MALRD1: variants seen among roughly 807,000 people sequenced by gnomAD.
MALRD1 encodes MAM and LDL-receptor class A domain-containing protein 1.
MALRD1 carries 247 observed loss-of-function variants against 242.1 expected under a neutral mutation model. The ratio of observed to expected loss-of-function variants is 1.02; its 90% confidence interval spans 0.92 to 1.13. The LOEUF (loss-of-function observed/expected upper bound fraction) is 1.13. Ranked by LOEUF, MALRD1 falls within the 50% of genes most tolerant of loss-of-function variation. The probability of loss-of-function intolerance (pLI) is 0.00; values close to 1 mark genes in which losing one functional copy is unlikely to be tolerated. For synonymous variants in MALRD1, 995 were observed against 866.6 expected (o/e 1.15, Z -2.60); for missense variants, 2,989 against 2,533.1 (o/e 1.18, Z -3.86).
intron 31 of MALRD1, among the ~76,000 whole-genome samples, chr10:19,504,681 T>C (rs954879109): frequency 7.2e-6 from 1 of 138,120 alleles, no homozygotes; most frequent in Admixed American, 7.2e-5. Context: ...TTTTTTTTTT[T>C]TTTTTTTTTT....
intron 21 of MALRD1, among the ~76,000 whole-genome samples, chr10:19,303,513 C>A (rs557339212): frequency 2.5e-4 from 38 of 151,678 alleles, no homozygotes; most frequent in African/African-American, 9.2e-4. Flanking sequence ...AGAATTAATG[C>A]GATTAGCAAA....
At position 19,066,829 on chromosome 10, in the gene MALRD1, C is replaced by T; in HGVS notation, c.310C>T (p.Pro104Ser). 8.1e-7 allele frequency: 1 copy of T among 1,233,658 alleles called. No homozygotes were observed. Among genetic ancestry groups the T allele is most frequent in the Non-Finnish European group, 1.0e-6 (1 of 988,020 alleles). 76.4% of individuals were successfully genotyped at this position (1,233,658 alleles called of 1,614,324 possible). A position where few individuals can be genotyped will look rare whatever the true frequency, so the allele number is the denominator to read the frequency against. ...KRSGMIGLSP[P>S]FYDHNGDVSA... ...AAGTGGGATGATTGGTCTATCACCT[C>T]CATTTTATGATCACAATGGTGATGT... Residue 104 changes from proline (P) to serine (S), a missense_variant, in exon 2 of 40, where the codon CCA becomes TCA. Pro to Ser is a moderately conservative substitution (Grantham distance 74, BLOSUM62 -1). Transcript: ENST00000454679.
chr10:19,311,371 A>G (rs1842416199), intron 21 of MALRD1, among the ~76,000 whole-genome samples: 1 of 151,618 alleles, frequency 6.6e-6, no homozygotes, highest in African/African-American at 2.4e-5. Flanking sequence ...ACATTTTCTC[A>G]TATCTACTTT....
At chr10:19,539,875 T>G (rs1411379905) in intron 32 of MALRD1, among the ~76,000 whole-genome samples, 1 of 78,602 alleles carries the variant, frequency 1.3e-5, no homozygotes. Context: ...TGTGTGTGTG[T>G]GTGTGTGTGT....
At chr10:19,262,953 A>C (rs11009177) in intron 19 of MALRD1, among the ~76,000 whole-genome samples, 10,842 of 152,124 alleles carry the variant, frequency 0.071, 440 homozygotes, top group East Asian at 0.17. Flanking sequence ...TTTCATAAAG[A>C]CAGGATTTCT....
chr10:19,728,101 T>C (rs774929674), intron 38 of MALRD1, among the ~76,000 whole-genome samples: 8 of 152,208 alleles, frequency 5.3e-5, no homozygotes, highest in Non-Finnish European at 1.0e-4. Context: ...ATGGGAGATA[T>C]ATCTTTAATC....
chr10:19,312,515 C>T (rs1842477271), intron 21 of MALRD1, among the ~76,000 whole-genome samples: 2 of 150,598 alleles, frequency 1.3e-5, no homozygotes, highest in Admixed American at 6.7e-5. Context: ...TAGTCTTTAA[C>T]ATCTAGAAAA....
At chr10:19,180,758 A>C (rs1835469119) in intron 14 of MALRD1, among the ~76,000 whole-genome samples, 1 of 152,202 alleles carries the variant, frequency 6.6e-6, no homozygotes, top group South Asian at 2.1e-4. Flanking sequence ...CAGTAAAGGA[A>C]ACACTCAGCA....
intron 26 of MALRD1, among the ~76,000 whole-genome samples, chr10:19,360,233 C>T (rs1844830721): frequency 6.6e-6 from 1 of 152,002 alleles, no homozygotes; most frequent in Non-Finnish European, 1.5e-5. Context: ...TATATTCAGT[C>T]AGCACTTGGA....
chr10:19,158,336 C>G (rs1415199214), intron 12 of MALRD1, among the ~76,000 whole-genome samples: 1 of 152,096 alleles, frequency 6.6e-6, no homozygotes, highest in Admixed American at 6.6e-5. Context: ...GTTTTTAATT[C>G]TCCAACTTGT....
chr10:19,319,549 C>CA (rs1360660445), intron 21 of MALRD1, among the ~76,000 whole-genome samples: 2 of 151,990 alleles, frequency 1.3e-5, no homozygotes, highest in Non-Finnish European at 2.9e-5. Context: ...GCTGCTGTAA[C>CA]AAAAAATCTC....
intron 29 of MALRD1, chr10:19,489,098 T>C: frequency 2.2e-6 from 1 of 462,786 alleles, no homozygotes; most frequent in Non-Finnish European, 4.4e-6. Context: ...GGAGCCAGAA[T>C]GCCCAAGAGG....
chr10:19,251,213 A>G lies in MALRD1; in HGVS notation c.2992-6471A>G, dbSNP rs564195079. Reference sequence around the variant, plus strand: ...CACAAATGAAATATTTCAACCATGTAGCACCATCCAAGTGCCCTGTTTGGA... The same window carrying G: ...CACAAATGAAATATTTCAACCATGTGGCACCATCCAAGTGCCCTGTTTGGA... On this transcript the variant is annotated intron_variant, in intron 18 of 39. Transcript: ENST00000454679. 2.0e-5 allele frequency among the ~76,000 whole-genome samples: 3 copies of G among 152,200 alleles called. No homozygotes were observed. In the East Asian group the frequency reaches 5.8e-4, roughly 29 times the overall value.
At chr10:19,638,101 CAAAAAAAA>C (rs56865342) in intron 36 of MALRD1, among the ~76,000 whole-genome samples, 85 of 41,920 alleles carry the variant, frequency 2.0e-3, no homozygotes, top group African/African-American at 3.8e-3. Context: ...AACTCACTCT[CAAAAAAAA>C]AAAAAAAAAA....
At chr10:19,716,753 A>G (rs1352432559) in intron 38 of MALRD1, 2 of 152,198 alleles carry the variant, frequency 1.3e-5, no homozygotes, top group Non-Finnish European at 2.9e-5. Context: ...GAACTGTTAC[A>G]TTAAAAATTC....
chr10:19,566,298 A>AT (rs10548629), intron 32 of MALRD1, among the ~76,000 whole-genome samples: 3,825 of 111,070 alleles, frequency 0.034, 62 homozygotes, highest in East Asian at 0.051. Flanking sequence ...TGCCTGGCTA[A>AT]TTTTTTTTTT....
At chr10:19,521,989 T>G (rs1833902714) in intron 31 of MALRD1, among the ~76,000 whole-genome samples, 2 of 152,122 alleles carry the variant, frequency 1.3e-5, no homozygotes, top group South Asian at 4.1e-4. Flanking sequence ...TTTTCACATC[T>G]GTCATCCATA....
At chr10:19,272,518 TATTTA>T (rs1840297593) in intron 19 of MALRD1, among the ~76,000 whole-genome samples, 1 of 152,192 alleles carries the variant, frequency 6.6e-6, no homozygotes, top group Non-Finnish European at 1.5e-5. Context: ...TTTTATCTTT[TATTTA>T]TTTTTATTAT....
chr10:19,180,156 G>A (rs1835440730), intron 14 of MALRD1, among the ~76,000 whole-genome samples: 1 of 152,214 alleles, frequency 6.6e-6, no homozygotes, highest in Non-Finnish European at 1.5e-5. Flanking sequence ...TCAAGACAGT[G>A]GAGGAACACA....
Sources: gnomAD v4.1 joint callset for allele counts (sites outside exome capture counted in the v4.1 genomes callset) on GRCh38, gnomAD v4.1.1 for gene constraint, MANE v1.5 for transcripts, NCBI Gene and HGNC (gene_info 2026-07-23, HGNC 2026-07-21) for gene names.